CFAP57: variants seen among roughly 807,000 people sequenced by gnomAD.
The protein encoded by CFAP57 is cilia- and flagella-associated protein 57.
In CFAP57, 116 loss-of-function variants were observed where a neutral mutation model predicts 146.8. The observed-to-expected ratio is 0.79, with a 90% CI of 0.68 to 0.92. The LOEUF is 0.92. CFAP57 is among the 40% of genes least tolerant of loss of function. The pLI, the probability that CFAP57 is intolerant of heterozygous loss-of-function variation, is 0.00. For synonymous variants in CFAP57, 518 were observed against 552.8 expected, an observed-to-expected ratio of 0.94 and a Z score of 0.88; for missense variants, 1,377 against 1,527.2, an observed-to-expected ratio of 0.90 and a Z score of 1.64.
chr1:43,235,109 T>G (rs530261761), intron 21 of CFAP57, among the ~76,000 whole-genome samples: 2 of 152,190 alleles, frequency 1.3e-5, no homozygotes, highest in East Asian at 3.9e-4. Flanking sequence ...TACCCATATC[T>G]CGTGGCCACG....
In CFAP57 at chr1:43,254,259, T is replaced by C; in HGVS notation, c.*68T>C. 1 of 1,421,526 alleles carries C rather than the reference T, an allele frequency of 7.0e-7. No individual in the cohort carries two copies. The highest frequency in any genetic ancestry group is 9.5e-7 in the Non-Finnish European group (1 of 1,052,972). 88.1% of individuals were successfully genotyped at this position (1,421,526 alleles called of 1,614,324 possible). On this transcript the variant is annotated 3_prime_UTR_variant, in exon 23 of 23. Coordinates refer to ENST00000372492, the MANE Select transcript of CFAP57 (RefSeq NM_001378189.1). Reference sequence around the variant, plus strand: ...CAGCATGTCTGTCCCCAAGCCAGACTTGCGGTTGGAGTCTGTATGGTCCCT... The same window carrying C: ...CAGCATGTCTGTCCCCAAGCCAGACCTGCGGTTGGAGTCTGTATGGTCCCT...
At chr1:43,176,154 T>C (rs1645163538) in intron 2 of CFAP57, among the ~76,000 whole-genome samples, 1 of 152,110 alleles carries the variant, frequency 6.6e-6, no homozygotes, top group South Asian at 2.1e-4. Flanking sequence ...AGGCCCAGGT[T>C]GAGTAGAGAC....
intron 1 of CFAP57, 68 bp from the exon 2 acceptor site, chr1:43,172,667 C>G: frequency 1.5e-6 from 2 of 1,375,296 alleles, no homozygotes; most frequent in South Asian, 2.4e-5. Flanking sequence ...AGGGCGAGTC[C>G]GGGCCGGGGG....
chr1:43,210,160 T>C (rs1644539693), intron 11 of CFAP57: 1 of 1,575,886 alleles, frequency 6.3e-7, no homozygotes, highest in Non-Finnish European at 8.6e-7. Flanking sequence ...TTCACCATAA[T>C]ATTATGCATA....
chr1:43,189,758 T>C (rs1185132467), intron 6 of CFAP57, among the ~76,000 whole-genome samples: 7 of 152,210 alleles, frequency 4.6e-5, no homozygotes, highest in Non-Finnish European at 1.0e-4. Context: ...TGGCATCTGC[T>C]TCTGGTAAGG....
rs1423326313 is a variant in CFAP57, at chr1:43,232,504, A to G, written c.3010-4A>G. The G allele has an allele frequency of 6.5e-7, 1 of 1,548,816 alleles. No individual in the cohort carries two copies. The highest frequency in any genetic ancestry group is 2.0e-5 in the Admixed American group (1 of 50,978). ...TCTTGACTCTTTTCCCTTGTTGTCT[A>G]CAGATGGAAGCTGAACTGGAGAATT... On this transcript the variant is annotated splice_polypyrimidine_tract_variant and splice_region_variant and intron_variant, in intron 18 of 22. Transcript: ENST00000372492.
At chr1:43,177,816 C>A (rs1208844101) in intron 2 of CFAP57, among the ~76,000 whole-genome samples, 1 of 152,264 alleles carries the variant, frequency 6.6e-6, no homozygotes, top group Non-Finnish European at 1.5e-5. Flanking sequence ...CGCCACTGAT[C>A]TGAGCTCAGG....
intron 2 of CFAP57, among the ~76,000 whole-genome samples, chr1:43,178,425 C>T (rs911467811): frequency 2.8e-4 from 42 of 152,114 alleles, no homozygotes; most frequent in African/African-American, 1.0e-3. Context: ...CTACAAAGAA[C>T]TTAAACAAAT....
chr1:43,177,797 A>G (rs1246610148), intron 2 of CFAP57, among the ~76,000 whole-genome samples: 2 of 152,210 alleles, frequency 1.3e-5, no homozygotes, highest in South Asian at 2.1e-4. Context: ...TGCTATGAGA[A>G]TCTAATGCCG....
At chr1:43,198,700 G>A (rs1438243376) in intron 8 of CFAP57, 54 bp downstream of exon 8, 1 of 1,593,024 alleles carries the variant, frequency 6.3e-7, no homozygotes, top group Non-Finnish European at 8.6e-7. Context: ...AGCCACGGCT[G>A]AAATATCAGG....
Position 43,233,698 on chromosome 1 carries a change from T to C in CFAP57, c.3127-581T>C, listed in dbSNP as rs564789056. ...ACGATGGAACATGTAGAAAGGGCCATGGGAGCAAGGAGAAATGACTTTCTC... is the reference window on the plus strand; with the variant it reads ...ACGATGGAACATGTAGAAAGGGCCACGGGAGCAAGGAGAAATGACTTTCTC... On this transcript the variant is annotated intron_variant, in intron 19 of 22. Transcript: ENST00000372492. Among the ~76,000 whole-genome samples, 115 of 152,190 alleles carry C rather than the reference T, an allele frequency of 7.6e-4. 1 individual carries two copies. The highest frequency in any genetic ancestry group is 1.4e-3 in the Non-Finnish European group (97 of 68,010).
intron 22 of CFAP57, among the ~76,000 whole-genome samples, chr1:43,244,852 C>T (rs781241644): frequency 1.1e-4 from 17 of 151,806 alleles, no homozygotes; most frequent in African/African-American, 2.9e-4. Flanking sequence ...GCAGTGAGCT[C>T]AGATTGCACT....
rs1557802502 is a variant in CFAP57 at position 43,224,147 on chromosome 1, G to T, written c.2808G>T (p.Lys936Asn). The change falls in exon 17 of 23, where the codon AAG becomes AAT. Residue 936 changes from lysine to asparagine, a missense_variant. Coordinates refer to ENST00000372492, the MANE Select transcript of CFAP57 (RefSeq NM_001378189.1). ...KLQGVIKSLE[K>N]DIQGLKREIQ... ...AAGGAGTCATTAAGTCTCTGGAGAA[G>T]GACATCCAAGGCCTCAAGCGAGAGA... 1.3e-6 allele frequency: 2 copies of T among 1,550,304 alleles called. No individual in the cohort carries two copies. Among genetic ancestry groups the T allele is most frequent in the Non-Finnish European group, 1.7e-6 (2 of 1,146,806 alleles).
chr1:43,236,783 C>T (rs1042763284), intron 21 of CFAP57, among the ~76,000 whole-genome samples: 5 of 151,656 alleles, frequency 3.3e-5, no homozygotes, highest in African/African-American at 1.2e-4. Flanking sequence ...GTGGTGGGCA[C>T]CTGTAGTCCC....
chr1:43,184,183 T>C (rs530926371), intron 4 of CFAP57, among the ~76,000 whole-genome samples: 1 of 152,356 alleles, frequency 6.6e-6, no homozygotes, highest in Non-Finnish European at 1.5e-5. Context: ...AATGAATTGA[T>C]TCATGTCCAC....
rs1425023502 is a variant in CFAP57 at position 43,234,353 on chromosome 1, G to T, written c.3201G>T (p.Pro1067=). 3 of 1,550,346 alleles carry T rather than the reference G, an allele frequency of 1.9e-6. No homozygotes were observed. The highest frequency in any genetic ancestry group is 2.7e-5 in the African/African-American group (2 of 73,022). The change falls in exon 20 of 23, where the codon CCG becomes CCT. Residue 1067 remains proline (P), a synonymous_variant. Transcript: ENST00000372492. ...ACTGCGTAGCCTATATTCAGGAACC[G>T]CGGCTGCTGAAGGAGAAGGTTCGAG... The part of the protein sequence containing the change: ...LHNCVAYIQE[P]RLLKEKVRGL...
chr1:43,248,728 G>T (rs1452123834), intron 22 of CFAP57, among the ~76,000 whole-genome samples: 1 of 151,884 alleles, frequency 6.6e-6, no homozygotes, highest in African/African-American at 2.4e-5. Flanking sequence ...TTCATATACA[G>T]AATTATATAT....
chr1:43,191,247 T>C (rs1428288072), intron 6 of CFAP57, among the ~76,000 whole-genome samples: 1 of 152,216 alleles, frequency 6.6e-6, no homozygotes, highest in Non-Finnish European at 1.5e-5. Flanking sequence ...CAATTGTTCA[T>C]AGTATTCCTT....
chr1:43,249,498 C>T (rs1267545496), intron 22 of CFAP57, among the ~76,000 whole-genome samples: 9 of 125,856 alleles, frequency 7.2e-5, no homozygotes, highest in South Asian at 2.7e-4. Context: ...GGCGCGATCT[C>T]GGCTCACTGC....
Sources: allele counts gnomAD v4.1 joint callset (sites outside exome capture counted in the v4.1 genomes callset), GRCh38; gene constraint gnomAD v4.1.1; transcripts MANE v1.5; gene names NCBI Gene and HGNC (gene_info 2026-07-23, HGNC 2026-07-21).